MBNL1: variants seen among roughly 807,000 people sequenced by gnomAD.
The protein encoded by MBNL1 is muscleblind like splicing regulator 1, also known as muscleblind-like protein 1.
Under a neutral mutation model 42.2 loss-of-function variants are expected in MBNL1, and 8 were observed. The observed-to-expected ratio is 0.19, with a 90% confidence interval of 0.11 to 0.34. The LOEUF (loss-of-function observed/expected upper bound fraction) is 0.34, where lower values mean the gene tolerates loss of function less well. MBNL1 is among the 10% of genes least tolerant of loss of function. MBNL1 has a pLI of 1.00. For synonymous variants in MBNL1, 169 were observed against 173.9 expected (o/e 0.97, Z 0.22); for missense variants, 309 against 495.3 (o/e 0.62, Z 3.57).
chr3:152,300,846 A>G (rs1017545607), intron 2 of MBNL1: 97 of 571,310 alleles, frequency 1.7e-4, no homozygotes, highest in Middle Eastern at 1.7e-3. Flanking sequence ...GACATTTTAG[A>G]TTTTCTTTTT....
intron 2 of MBNL1, among the ~76,000 whole-genome samples, chr3:152,404,416 T>C (rs1179605377): frequency 6.6e-6 from 1 of 152,220 alleles, no homozygotes; most frequent in Non-Finnish European, 1.5e-5. Flanking sequence ...CTTTGAAATT[T>C]ATCATGACTG....
chr3:152,347,727 AT>A (rs1158137915), intron 2 of MBNL1, among the ~76,000 whole-genome samples: 1 of 152,142 alleles, frequency 6.6e-6, no homozygotes, highest in Non-Finnish European at 1.5e-5. Flanking sequence ...TCTCGGAAGT[AT>A]ACCTGCCGCC....
At chr3:152,329,492 A>G (rs1479532180) in intron 2 of MBNL1, among the ~76,000 whole-genome samples, 2 of 138,112 alleles carry the variant, frequency 1.4e-5, no homozygotes, top group Non-Finnish European at 3.0e-5. Flanking sequence ...AAAAGAAAAG[A>G]AAAAAAATTA....
chr3:152,455,468 T>G, intron 6 of MBNL1, 74 bp from the exon 7 acceptor site: 1 of 1,182,522 alleles, frequency 8.5e-7, no homozygotes. Context: ...ATTTTCTAAT[T>G]ACACGTGTGA....
intron 2 of MBNL1, chr3:152,338,259 A>C (rs1442100927): frequency 1.0e-6 from 1 of 985,170 alleles, no homozygotes; most frequent in Non-Finnish European, 1.2e-6. Flanking sequence ...TTCAAGCACT[A>C]CCTGAGCTCT....
At chr3:152,455,394 G>T (rs757245353) in intron 6 of MBNL1, 148 bp from the exon 7 acceptor site, 1 of 672,342 alleles carries the variant, frequency 1.5e-6, no homozygotes, top group South Asian at 1.8e-5. Context: ...TGTATGATTT[G>T]ATTGTGCTGA....
At chr3:152,420,393 C>G (rs1190271179) in intron 3 of MBNL1, among the ~76,000 whole-genome samples, 2 of 152,146 alleles carry the variant, frequency 1.3e-5, no homozygotes, top group East Asian at 3.9e-4. Flanking sequence ...GTGGATGCCC[C>G]TCTGGGATGA....
At chr3:152,333,737 C>T (rs185942419) in intron 2 of MBNL1, among the ~76,000 whole-genome samples, 183 of 152,222 alleles carry the variant, frequency 1.2e-3, no homozygotes, top group African/African-American at 4.2e-3. Context: ...CACAATGTTA[C>T]CTTACCATTG....
At chr3:152,281,278 A>G (rs1179562234) in intron 1 of MBNL1, among the ~76,000 whole-genome samples, 1 of 152,060 alleles carries the variant, frequency 6.6e-6, no homozygotes, top group Non-Finnish European at 1.5e-5. Context: ...TGAGATCTCA[A>G]CCCAGGAGTT....
At chr3:152,353,402 G>A (rs1409662863) in intron 2 of MBNL1, among the ~76,000 whole-genome samples, 2 of 152,232 alleles carry the variant, frequency 1.3e-5, no homozygotes, top group Admixed American at 1.3e-4. Context: ...TAATGCAACA[G>A]AGGCTGAAAA....
chr3:152,374,660 A>G (rs1353716932), intron 2 of MBNL1, among the ~76,000 whole-genome samples: 1 of 152,254 alleles, frequency 6.6e-6, no homozygotes, highest in Admixed American at 6.5e-5. Context: ...TAAATAATCT[A>G]GATCACATTT....
chr3:152,348,256 A>G (rs1175439905), intron 2 of MBNL1, among the ~76,000 whole-genome samples: 1 of 152,178 alleles, frequency 6.6e-6, no homozygotes, highest in African/African-American at 2.4e-5. Context: ...AAGTTGCTAT[A>G]TCAACAAAAA....
chr3:152,340,871 A>G (rs1210466419), intron 2 of MBNL1: 7 of 1,613,284 alleles, frequency 4.3e-6, no homozygotes, highest in East Asian at 2.2e-5. Flanking sequence ...CCAAGCCAGT[A>G]TAAAGGCACC....
chr3:152,335,489 G>A (rs1023484958), intron 2 of MBNL1, among the ~76,000 whole-genome samples: 1 of 152,152 alleles, frequency 6.6e-6, no homozygotes, highest in East Asian at 1.9e-4. Flanking sequence ...TTCAGTAGAT[G>A]GAGCATAGTT....
At chr3:152,416,237 TGG>T (rs1560507551) in intron 3 of MBNL1, among the ~76,000 whole-genome samples, 1 of 152,216 alleles carries the variant, frequency 6.6e-6, no homozygotes, top group Non-Finnish European at 1.5e-5. Flanking sequence ...CCACATTACA[TGG>T]GCAGTGATAC....
intron 4 of MBNL1, among the ~76,000 whole-genome samples, chr3:152,440,748 C>T (rs1186427904): frequency 6.6e-6 from 1 of 152,094 alleles, no homozygotes; most frequent in Non-Finnish European, 1.5e-5. Flanking sequence ...TATTTTAATC[C>T]TTTTTAAATG....
chr3:152,270,875 G>C (rs1004587502), intron 1 of MBNL1, among the ~76,000 whole-genome samples: 15 of 152,092 alleles, frequency 9.9e-5, no homozygotes, highest in African/African-American at 2.9e-4. Context: ...TTAATGGGGG[G>C]TTTCCTTGCT....
At chr3:152,254,361 G>A (rs763983447) in intron 2 of MBNL1, among the ~76,000 whole-genome samples, 6 of 152,014 alleles carry the variant, frequency 3.9e-5, no homozygotes, top group Non-Finnish European at 7.4e-5. Context: ...CAACACCTCT[G>A]CATTTCTTGC....
rs549250963 is a variant in MBNL1 at position 152,310,775 on chromosome 3, C to T, written c.174+10408C>T. On this transcript the variant is annotated intron_variant, in intron 2 of 9. Coordinates refer to ENST00000324210, the MANE Select transcript of MBNL1 (RefSeq NM_021038.5). Reference sequence around the variant, plus strand: ...AGTCCAGAAGAATTTTAAGTCATGCCGCAGACAGGATGAACAGTATAGCAA... The same window carrying T: ...AGTCCAGAAGAATTTTAAGTCATGCTGCAGACAGGATGAACAGTATAGCAA... Among the ~76,000 whole-genome samples the T allele has an allele frequency of 5.3e-4, 80 of 151,576 alleles. 1 individual carries two copies. The highest frequency in any genetic ancestry group is 6.8e-4 in the Non-Finnish European group (46 of 67,956).
Sources: allele counts gnomAD v4.1 joint callset (sites outside exome capture counted in the v4.1 genomes callset), GRCh38; gene constraint gnomAD v4.1.1; transcripts MANE v1.5; gene names NCBI Gene and HGNC (gene_info 2026-07-23, HGNC 2026-07-21).